The following GATAD2B variants were observed in gnomAD, a reference collection of about 807,000 sequenced individuals.
The protein encoded by GATAD2B is transcriptional repressor p66-beta.
Under a neutral mutation model 64.3 loss-of-function variants are expected in GATAD2B, and 8 were observed. The observed-to-expected ratio is 0.12, with a 90% CI of 0.07 to 0.22. The LOEUF is 0.22. Ranked by LOEUF, GATAD2B falls within the 10% of genes least tolerant of loss-of-function variation. GATAD2B has a pLI of 1.00. For missense variants in GATAD2B, 453 were observed against 752.0 expected, an observed-to-expected ratio of 0.60 and a Z score of 4.65; for synonymous variants, 281 against 271.3, an observed-to-expected ratio of 1.04 and a Z score of -0.35.
At chr1:153,843,693 T>G (rs1474386160) in intron 1 of GATAD2B, among the ~76,000 whole-genome samples, 1 of 151,660 alleles carries the variant, frequency 6.6e-6, no homozygotes, top group Admixed American at 6.6e-5. Context: ...ATTCTCCACC[T>G]CAACATTTAG....
rs1228167626 is a variant in GATAD2B at position 153,805,363 on chromosome 1, T to A, written c.*4814A>T. The A allele has an allele frequency of 6.6e-6, 1 of 152,140 alleles. No individual in the cohort carries two copies. The highest frequency in any genetic ancestry group is 1.9e-4 in the East Asian group (1 of 5,172). 9.4% of individuals were successfully genotyped at this position (152,140 alleles called of 1,614,324 possible). On this transcript the variant is annotated 3_prime_UTR_variant, in exon 11 of 11. Transcript: ENST00000368655. Reference sequence around the variant, plus strand: ...TCCTGTAGCTCACAAAGGGAGTAAATAACTAAAGCACCAACCTGGGGCATT... The same window carrying A: ...TCCTGTAGCTCACAAAGGGAGTAAAAAACTAAAGCACCAACCTGGGGCATT...
At chr1:153,890,395 G>A (rs1677338355) in intron 1 of GATAD2B, among the ~76,000 whole-genome samples, 1 of 145,642 alleles carries the variant, frequency 6.9e-6, no homozygotes, top group Non-Finnish European at 1.5e-5. Flanking sequence ...GGCTGAGGCA[G>A]AAGAATCGCA....
intron 1 of GATAD2B, among the ~76,000 whole-genome samples, chr1:153,842,309 C>A (rs967510001): frequency 6.6e-6 from 1 of 152,124 alleles, no homozygotes; most frequent in Non-Finnish European, 1.5e-5. Context: ...ATTTCCTAAC[C>A]GAGCTCTTTG....
At chr1:153,873,641 G>C (rs550749378) in intron 1 of GATAD2B, among the ~76,000 whole-genome samples, 1 of 152,166 alleles carries the variant, frequency 6.6e-6, no homozygotes, top group Non-Finnish European at 1.5e-5. Flanking sequence ...CTCCAGAGCC[G>C]TGAGAAATAA....
chr1:153,852,385 T>C, intron 1 of GATAD2B: 1 of 813,296 alleles, frequency 1.2e-6, no homozygotes, highest in Non-Finnish European at 2.2e-6. Context: ...ATGCTTGGCC[T>C]GACCTTGGAT....
chr1:153,830,722 G>T (rs1172577364), intron 1 of GATAD2B, among the ~76,000 whole-genome samples: 1 of 151,596 alleles, frequency 6.6e-6, no homozygotes, highest in African/African-American at 2.4e-5. Flanking sequence ...TGATCCGCCC[G>T]CCTCGGCCTC....
intron 1 of GATAD2B, among the ~76,000 whole-genome samples, chr1:153,911,514 C>T (rs529870668): frequency 1.3e-5 from 2 of 152,246 alleles, no homozygotes; most frequent in South Asian, 4.1e-4. Flanking sequence ...GCGGGTGGAT[C>T]GCCTGAGGTC....
At position 153,807,572 on chromosome 1, in the gene GATAD2B, C is replaced by T. The variant is rs865949812; in HGVS notation, c.*2605G>A. ...AAGAAGCAGCTTCTATGTAACTGAC[C>T]CTGAGGGGATAAAAACAGGGAAGAT... On this transcript the variant is annotated 3_prime_UTR_variant, in exon 11 of 11. Transcript: ENST00000368655. The T allele has an allele frequency of 6.6e-6, 1 of 152,268 alleles. No individual in the cohort carries two copies. Among genetic ancestry groups the T allele is most frequent in the Non-Finnish European group, 1.5e-5 (1 of 68,008 alleles). The allele number at this position is 152,268 out of a possible 1,614,324, so 9.4% of individuals were successfully genotyped here. A position where few individuals can be genotyped will look rare whatever the true frequency, so the allele number is the denominator to read the frequency against.
chr1:153,828,881 C>T (rs986491985), intron 1 of GATAD2B, among the ~76,000 whole-genome samples: 1 of 152,068 alleles, frequency 6.6e-6, no homozygotes, highest in Non-Finnish European at 1.5e-5. Flanking sequence ...ATTATCTTCC[C>T]TTTTCACTTT....
At chr1:153,901,343 T>G (rs1677765046) in intron 1 of GATAD2B, among the ~76,000 whole-genome samples, 1 of 151,964 alleles carries the variant, frequency 6.6e-6, no homozygotes, top group Non-Finnish European at 1.5e-5. Context: ...AAAGCAAGGC[T>G]CTGTCTCTAA....
In GATAD2B at chr1:153,818,276, A is replaced by G. The variant is rs1200958164; in HGVS notation, c.598-105T>C. On this transcript the variant is annotated intron_variant, in intron 4 of 10. Transcript: ENST00000368655. ...CCTGGTCAGTGTGAGGTTCTTGTCA[A>G]TCAGGAGGAAAAACCAGAAAAAGGG... The G allele has an allele frequency of 1.2e-5, 11 of 953,614 alleles. No individual in the cohort carries two copies. In the East Asian group the frequency reaches 3.2e-4, roughly 28 times the overall value. The allele number at this position is 953,614 out of a possible 1,614,324, so 59.1% of individuals were successfully genotyped here.
At chr1:153,850,162 C>T (rs1381854469) in intron 1 of GATAD2B, among the ~76,000 whole-genome samples, 2 of 152,114 alleles carry the variant, frequency 1.3e-5, no homozygotes, top group Non-Finnish European at 2.9e-5. Flanking sequence ...TCCAGAGTAG[C>T]TTTACATATG....
Position 153,921,286 on chromosome 1 carries a change from G to A in GATAD2B, c.-2+1447C>T, listed in dbSNP as rs1354138559. ...CATCAAAGTCATCTGTGCTAGGAGG[G>A]GAAGGAGACTAGATGGCTGGAGGAC... is the stretch of plus-strand genomic sequence containing the variant. On this transcript the variant is annotated intron_variant, in intron 1 of 10. Transcript: ENST00000368655. Among the ~76,000 whole-genome samples, 3 of 152,312 alleles carry A rather than the reference G, an allele frequency of 2.0e-5. No individual in the cohort carries two copies. The South Asian group carries it at 6.2e-4, about 32-fold the overall frequency.
chr1:153,819,484 T>G, intron 3 of GATAD2B, 122 bp downstream of exon 3: 3 of 687,658 alleles, frequency 4.4e-6, no homozygotes, highest in Non-Finnish European at 7.1e-6. Flanking sequence ...ACTATAAAGT[T>G]TTCATCAATG....
intron 1 of GATAD2B, among the ~76,000 whole-genome samples, chr1:153,910,024 C>A (rs1481401913): frequency 1.3e-5 from 2 of 149,174 alleles, no homozygotes; most frequent in African/African-American, 2.5e-5. Flanking sequence ...CTGAGGCAGG[C>A]GAATTGCTTG....
intron 1 of GATAD2B, among the ~76,000 whole-genome samples, chr1:153,910,962 C>T (rs1678093566): frequency 6.6e-6 from 1 of 152,076 alleles, no homozygotes; most frequent in African/African-American, 2.4e-5. Context: ...AATCAAAGAG[C>T]ATCTGTATAT....
intron 2 of GATAD2B, among the ~76,000 whole-genome samples, chr1:153,820,333 C>T (rs985595346): frequency 6.6e-6 from 1 of 152,152 alleles, no homozygotes; most frequent in Non-Finnish European, 1.5e-5. Context: ...ATCTAAATCT[C>T]CTGCACTGAC....
chr1:153,911,635 C>A (rs1480833231), intron 1 of GATAD2B, among the ~76,000 whole-genome samples: 1 of 152,070 alleles, frequency 6.6e-6, no homozygotes, highest in Non-Finnish European at 1.5e-5. Context: ...ACTCGGGAGG[C>A]TGAGGCAGGA....
At chr1:153,845,125 T>C (rs951981363) in intron 1 of GATAD2B, among the ~76,000 whole-genome samples, 1 of 152,130 alleles carries the variant, frequency 6.6e-6, no homozygotes, top group African/African-American at 2.4e-5. Context: ...CAAATCAAAC[T>C]TCTAGAGATG....
Sources: gnomAD v4.1 joint callset for allele counts (sites outside exome capture counted in the v4.1 genomes callset) on GRCh38, gnomAD v4.1.1 for gene constraint, MANE v1.5 for transcripts, NCBI Gene and HGNC (gene_info 2026-07-23, HGNC 2026-07-21) for gene names.